Variants in PCDHGA1 observed in about 807,000 individuals in gnomAD.
The protein encoded by PCDHGA1 is protocadherin gamma-A1.
In PCDHGA1, 32 loss-of-function variants were observed where a neutral mutation model predicts 58.0. The observed-to-expected ratio is 0.55, with a 90% CI of 0.42 to 0.74. PCDHGA1 has a LOEUF of 0.74. Ranked by LOEUF, PCDHGA1 falls within the 30% of genes least tolerant of loss-of-function variation. The pLI, the probability that PCDHGA1 is intolerant of heterozygous loss-of-function variation, is 0.00. For synonymous variants in PCDHGA1, 498 were observed against 501.1 expected, an observed-to-expected ratio of 0.99 and a Z score of 0.08; for missense variants, 1,205 against 1,182.3, an observed-to-expected ratio of 1.02 and a Z score of -0.28.
At chr5:141,404,655 C>T (rs2094551486) in intron 1 of PCDHGA1, 1 of 1,614,062 alleles carries the variant, frequency 6.2e-7, no homozygotes, top group Non-Finnish European at 8.5e-7. Flanking sequence ...CCTGCCCTCC[C>T]CACTGATGGT....
intron 1 of PCDHGA1, chr5:141,351,748 G>C: frequency 6.2e-7 from 1 of 1,613,678 alleles, no homozygotes; most frequent in Non-Finnish European, 8.5e-7. Context: ...AGCCGCGGGA[G>C]CTGTTGTCCT....
chr5:141,347,663 T>C (rs1757999011), intron 1 of PCDHGA1, among the ~76,000 whole-genome samples: 1 of 151,754 alleles, frequency 6.6e-6, no homozygotes, highest in African/African-American at 2.4e-5. Flanking sequence ...GGTGGGCGCC[T>C]GTAATCCAAG....
chr5:141,365,470 T>C, intron 1 of PCDHGA1: 1 of 1,614,034 alleles, frequency 6.2e-7, no homozygotes, highest in South Asian at 1.1e-5. Flanking sequence ...GAGAAAATGG[T>C]GAGATTGCAT....
At chr5:141,394,064 C>G in intron 1 of PCDHGA1, 7 of 1,613,776 alleles carry the variant, frequency 4.3e-6, no homozygotes, top group Non-Finnish European at 5.9e-6. Flanking sequence ...ATGTCTCTAT[C>G]TACAATATCA....
At chr5:141,413,177 T>G (rs2095610843) in intron 1 of PCDHGA1, 4 of 1,602,350 alleles carry the variant, frequency 2.5e-6, no homozygotes, top group Non-Finnish European at 3.4e-6. Flanking sequence ...CAGACTACAA[T>G]GGCCGCTCAA....
At chr5:141,355,995 AG>A in intron 1 of PCDHGA1, 1 of 1,613,888 alleles carries the variant, frequency 6.2e-7, no homozygotes, top group Non-Finnish European at 8.5e-7. Context: ...TCACCGTAAA[AG>A]CCACTGATCC....
chr5:141,386,009 G>T (rs956571005), intron 1 of PCDHGA1: 7 of 152,222 alleles, frequency 4.6e-5, no homozygotes, highest in Non-Finnish European at 8.8e-5. Context: ...CATTTTAAGT[G>T]TTGTAATTGG....
At chr5:141,403,776 G>A (rs1312851147) in intron 1 of PCDHGA1, 1 of 1,613,926 alleles carries the variant, frequency 6.2e-7, no homozygotes, top group East Asian at 2.2e-5. Flanking sequence ...GGAATCAACG[G>A]AAAAGTGGCA....
At position 141,338,931 on chromosome 5, in the gene PCDHGA1, A is replaced by G. The variant is rs1482262592; in HGVS notation, c.2421+5826A>G. The G allele has an allele frequency of 2.0e-6, 3 of 1,522,130 alleles. No individual in the cohort carries two copies. In the South Asian group the frequency reaches 4.0e-5, roughly 20 times the overall value. The allele number at this position is 1,522,130 out of a possible 1,614,324, so 94.3% of individuals were successfully genotyped here. A position where few individuals can be genotyped will look rare whatever the true frequency, so the allele number is the denominator to read the frequency against. ...GAATAAAGATTGGAATCCGCACTGG[A>G]TGCTGGAAGTTGACTCGGAGAAAAT... On this transcript the variant is annotated intron_variant, in intron 1 of 3. Coordinates refer to ENST00000517417, the MANE Select transcript of PCDHGA1 (RefSeq NM_018912.3).
intron 1 of PCDHGA1, chr5:141,399,671 C>T (rs764084700): frequency 1.2e-6 from 2 of 1,613,512 alleles, no homozygotes; most frequent in East Asian, 4.5e-5. Flanking sequence ...GCGCAGCGCG[C>T]CTTTGACTAC....
chr5:141,422,477 A>G (rs1230502545), intron 1 of PCDHGA1: 2 of 1,613,904 alleles, frequency 1.2e-6, no homozygotes, highest in Admixed American at 1.7e-5. Flanking sequence ...GAGTTGGTCC[A>G]GAGCTACAAT....
chr5:141,361,719 C>G, intron 1 of PCDHGA1: 1 of 1,613,364 alleles, frequency 6.2e-7, no homozygotes. Flanking sequence ...TGCGCGCCTT[C>G]GAGCTCACAC....
At position 141,333,077 on chromosome 5, in the gene PCDHGA1, T is replaced by C. The variant is rs1756445074; in HGVS notation, c.2393T>C (p.Leu798Pro). ...KGFLSAPQSLLEDKKEPFSQQ... is the reference protein window; with the variant it reads ...KGFLSAPQSLPEDKKEPFSQQ... ...TTTCTATCAGCACCCCAGTCTTTAC[T>C]TGAAGACAAAAAGGAACCATTTTCT... is the stretch of plus-strand genomic sequence containing the variant. The change falls in exon 1 of 4, where the codon CTT becomes CCT. Residue 798 changes from leucine (L) to proline (P), a missense_variant. Coordinates refer to ENST00000517417, the MANE Select transcript of PCDHGA1 (RefSeq NM_018912.3). 2.5e-6 allele frequency: 4 copies of C among 1,614,190 alleles called. No individual in the cohort carries two copies. The highest frequency in any genetic ancestry group is 3.4e-6 in the Non-Finnish European group (4 of 1,180,036).
chr5:141,352,486 G>A (rs1425676606), intron 1 of PCDHGA1: 1 of 1,614,000 alleles, frequency 6.2e-7, no homozygotes, highest in Admixed American at 1.7e-5. Flanking sequence ...ACAGCGAGGG[G>A]ACTTTGCCCT....
chr5:141,459,595 T>C (rs904266180), intron 1 of PCDHGA1, among the ~76,000 whole-genome samples: 10 of 152,232 alleles, frequency 6.6e-5, no homozygotes, highest in African/African-American at 9.6e-5. Context: ...TCATATGAAA[T>C]GGGAAGTATA....
chr5:141,333,505 C>A, intron 1 of PCDHGA1: 1 of 286,658 alleles, frequency 3.5e-6, no homozygotes, highest in Non-Finnish European at 6.4e-6. Context: ...TTATAAGTAC[C>A]TGCTAATCTA....
In PCDHGA1 at chr5:141,375,771, T is replaced by C. The variant is rs570278414; in HGVS notation, c.2421+42666T>C. ...CAGAATGACAATGCGCCCGAGATCC[T>C]GTACCCCGCCCTCCCCACAGACGGT... On this transcript the variant is annotated intron_variant, in intron 1 of 3. Transcript: ENST00000517417. 16 of 1,614,130 alleles carry C rather than the reference T, an allele frequency of 9.9e-6. No individual in the cohort carries two copies. Among genetic ancestry groups the C allele is most frequent in the Middle Eastern group, 1.6e-4 (1 of 6,084 alleles).
chr5:141,331,836 T>A lies in PCDHGA1; in HGVS notation c.1152T>A (p.Cys384Ter). The A allele has an allele frequency of 6.2e-7, 1 of 1,614,160 alleles. No individual in the cohort carries two copies. The highest frequency in any genetic ancestry group is 8.5e-7 in the Non-Finnish European group (1 of 1,180,024). ...QDSGDNGYTTCFIPGNLPFKL... is the reference protein window; with the variant it reads ...QDSGDNGYTT ...CAGGAGACAATGGCTACACCACATG[T>A]TTCATTCCTGGAAATTTACCCTTTA... The change falls in exon 1 of 4, where the codon TGT (cysteine) becomes TGA (stop). Residue 384 changes from cysteine to a stop codon, truncating the protein, a stop_gained. Transcript: ENST00000517417. LOFTEE classifies it high-confidence loss of function.
At chr5:141,456,142 C>A (rs1258425044) in intron 1 of PCDHGA1, among the ~76,000 whole-genome samples, 1 of 152,052 alleles carries the variant, frequency 6.6e-6, no homozygotes, top group Non-Finnish European at 1.5e-5. Flanking sequence ...CCTGATCCGC[C>A]CGCCTCGGCC....
Sources: allele counts gnomAD v4.1 joint callset (sites outside exome capture counted in the v4.1 genomes callset), GRCh38; gene constraint gnomAD v4.1.1; transcripts MANE v1.5; gene names NCBI Gene and HGNC (gene_info 2026-07-23, HGNC 2026-07-21).